ANAPC1: variants seen among roughly 807,000 people sequenced by gnomAD.
ANAPC1 encodes anaphase-promoting complex subunit 1.
ANAPC1 carries 36 observed loss-of-function variants against 208.0 expected under a neutral mutation model. The ratio of observed to expected loss-of-function variants is 0.17; its 90% confidence interval spans 0.13 to 0.23. The LOEUF is 0.23. ANAPC1 is among the 10% of genes least tolerant of loss of function. The pLI is 1.00. For missense variants in ANAPC1, 942 were observed against 2,011.6 expected (o/e 0.47, Z 10.17); for synonymous variants, 378 against 695.2 (o/e 0.54, Z 7.18).
In ANAPC1 at chr2:111,795,243, G is replaced by A. The variant is rs560511615; in HGVS notation, c.4297-349C>T. Among the ~76,000 whole-genome samples the A allele has an allele frequency of 3.3e-5, 5 of 152,228 alleles. No homozygotes were observed. The East Asian group carries it at 5.8e-4, about 18-fold the overall frequency. On this transcript the variant is annotated intron_variant, in intron 34 of 47. Transcript: ENST00000341068. Reference sequence around the variant, plus strand: ...TTAAAAATACAAAAATTAGCTGGGCGTGGTGGCGCACGCCTGTAATCCCAG... The same window carrying A: ...TTAAAAATACAAAAATTAGCTGGGCATGGTGGCGCACGCCTGTAATCCCAG...
At chr2:111,767,181 A>C (rs1676492900), downstream of ANAPC1, among the ~76,000 whole-genome samples, 1 of 149,012 alleles carries the variant, frequency 6.7e-6, no homozygotes, top group Non-Finnish European at 1.5e-5. Flanking sequence ...AACTGGCATA[A>C]GATCCTCACC....
intron 34 of ANAPC1, among the ~76,000 whole-genome samples, chr2:111,797,313 T>G (rs1225742844): frequency 6.6e-6 from 1 of 152,048 alleles, no homozygotes; most frequent in Non-Finnish European, 1.5e-5. Context: ...GTATCTTTAA[T>G]GTATTACAGA....
At chr2:111,859,845 T>C (rs1259232333) in intron 10 of ANAPC1, among the ~76,000 whole-genome samples, 1 of 152,198 alleles carries the variant, frequency 6.6e-6, no homozygotes, top group Non-Finnish European at 1.5e-5. Flanking sequence ...ATCAATCATT[T>C]CCTCTGTTCT....
chr2:111,862,179 C>T (rs955904749), intron 10 of ANAPC1, among the ~76,000 whole-genome samples: 1 of 151,988 alleles, frequency 6.6e-6, no homozygotes, highest in African/African-American at 2.4e-5. Context: ...GCTGGGATTA[C>T]AGGCATGAAC....
chr2:111,856,919 A>G (rs7567254), intron 11 of ANAPC1, 33 bp from the exon 12 acceptor site: 1 of 1,553,676 alleles, frequency 6.4e-7, no homozygotes, highest in African/African-American at 1.4e-5. Flanking sequence ...AACTTGATAC[A>G]TGCAACAACC....
intron 45 of ANAPC1, 88 bp from the exon 46 acceptor site, chr2:111,777,145 T>A: frequency 1.7e-6 from 1 of 593,618 alleles, no homozygotes; most frequent in East Asian, 2.9e-5. Flanking sequence ...TTTTTAAATG[T>A]GGCTCCGAAT....
chr2:111,783,479 T>C lies in ANAPC1; in HGVS notation c.5063+418A>G, dbSNP rs1438611960. 2.4e-4 allele frequency among the ~76,000 whole-genome samples: 37 copies of C among 151,648 alleles called. No homozygotes were observed. The South Asian group carries it at 7.8e-3, about 32-fold the overall frequency. ...TTGCCTTCTGCCATGACTGTAAGTT[T>C]CCTGAGGCCTCCCCAGCCAGGCAGA... On this transcript the variant is annotated intron_variant, in intron 42 of 47. Coordinates refer to ENST00000341068, the MANE Select transcript of ANAPC1 (RefSeq NM_022662.4).
intron 2 of ANAPC1, 98 bp from the exon 3 acceptor site, chr2:111,879,069 T>A: frequency 1.0e-6 from 1 of 978,804 alleles, no homozygotes; most frequent in South Asian, 1.7e-5. Context: ...AAGACTCAAT[T>A]CAAACACAAC....
chr2:111,767,553 C>G (rs1169591504), downstream of ANAPC1: 5 of 154,950 alleles, frequency 3.2e-5, no homozygotes, highest in East Asian at 9.6e-4. Context: ...TGTCCTCTCT[C>G]TTTTAAAGCT....
intron 27 of ANAPC1, among the ~76,000 whole-genome samples, chr2:111,817,358 ATT>A (rs200062201): frequency 0.024 from 3,596 of 152,008 alleles, 48 homozygotes; most frequent in Middle Eastern, 0.061. Flanking sequence ...TTTGCATTAG[ATT>A]TTCTTTTTAA....
Position 111,837,533 on chromosome 2 carries a change from T to C in ANAPC1, c.2115+905A>G, listed in dbSNP as rs549808439. On this transcript the variant is annotated intron_variant, in intron 18 of 47. Transcript: ENST00000341068. Reference sequence around the variant, plus strand: ...TATTCAGGAGGTTGAGGCAGGAGAATAGCTTCAACCCAGGAGGTGGAGAGC... The same window carrying C: ...TATTCAGGAGGTTGAGGCAGGAGAACAGCTTCAACCCAGGAGGTGGAGAGC... 3.6e-4 allele frequency among the ~76,000 whole-genome samples: 55 copies of C among 151,468 alleles called. No individual in the cohort carries two copies. The South Asian group carries it at 0.011, about 29-fold the overall frequency.
At chr2:111,798,971 T>G (rs917775451) in intron 34 of ANAPC1, among the ~76,000 whole-genome samples, 2 of 150,272 alleles carry the variant, frequency 1.3e-5, no homozygotes, top group Non-Finnish European at 3.0e-5. Context: ...GAGGCGGAGC[T>G]TGCAGTGAGC....
At chr2:111,860,275 C>A (rs1018623550) in intron 10 of ANAPC1, among the ~76,000 whole-genome samples, 8 of 151,524 alleles carry the variant, frequency 5.3e-5, no homozygotes, top group African/African-American at 1.9e-4. Flanking sequence ...TGTACTCCAA[C>A]CTGGGTGACA....
At chr2:111,770,560 T>C (rs550439800) in intron 47 of ANAPC1, among the ~76,000 whole-genome samples, 4 of 150,630 alleles carry the variant, frequency 2.7e-5, no homozygotes, top group Non-Finnish European at 1.5e-5. Context: ...TCCAACCCCA[T>C]GCATGTTTAT....
chr2:111,878,116 G>A (rs562396510), intron 3 of ANAPC1, among the ~76,000 whole-genome samples: 1 of 152,322 alleles, frequency 6.6e-6, no homozygotes, highest in South Asian at 2.1e-4. Context: ...GTAATCCACA[G>A]GGTGATGTGT....
chr2:111,773,112 A>C (rs1203514405), intron 46 of ANAPC1, among the ~76,000 whole-genome samples: 1 of 152,288 alleles, frequency 6.6e-6, no homozygotes, highest in Non-Finnish European at 1.5e-5. Context: ...AGACAGGCAG[A>C]CCCAGGCCAT....
At chr2:111,794,717 T>C in intron 35 of ANAPC1, 101 bp downstream of exon 35, 7 of 1,319,364 alleles carry the variant, frequency 5.3e-6, no homozygotes, top group Non-Finnish European at 7.5e-6. Context: ...GTGGGATTCA[T>C]AATTACTTAA....
At chr2:111,795,378 T>A (rs1222347980) in intron 34 of ANAPC1, among the ~76,000 whole-genome samples, 1 of 144,346 alleles carries the variant, frequency 6.9e-6, no homozygotes, top group Non-Finnish European at 1.5e-5. Context: ...TGAGACTCCA[T>A]CTCAAAAAAA....
chr2:111,769,799 GCCC>G (rs984601589), intron 47 of ANAPC1, among the ~76,000 whole-genome samples: 2 of 143,034 alleles, frequency 1.4e-5, no homozygotes, highest in Admixed American at 7.1e-5. Context: ...TCCTGCCTCA[GCCC>G]CCCGAGTAGC....
Sources: gnomAD v4.1 joint callset for allele counts (sites outside exome capture counted in the v4.1 genomes callset) on GRCh38, gnomAD v4.1.1 for gene constraint, MANE v1.5 for transcripts, NCBI Gene and HGNC (gene_info 2026-07-23, HGNC 2026-07-21) for gene names.